Variants in PDE9A observed in about 807,000 individuals in gnomAD.
PDE9A encodes the protein phosphodiesterase 9A.
A neutral mutation model predicts 87.4 loss-of-function variants in PDE9A; 60 were observed. That is an observed-to-expected ratio of 0.69 (90% CI 0.56 to 0.85). The LOEUF is 0.85. PDE9A is among the 40% of genes least tolerant of loss of function. The pLI is 0.00. For synonymous variants in PDE9A, 272 were observed against 279.4 expected (o/e 0.97, Z 0.27); for missense variants, 665 against 779.0 (o/e 0.85, Z 1.74).
chr21:42,738,552 C>T (rs1323259817), intron 7 of PDE9A, among the ~76,000 whole-genome samples: 1 of 152,302 alleles, frequency 6.6e-6, no homozygotes, highest in East Asian at 1.9e-4. Context: ...TCTCTGACCC[C>T]CAGCTCAGCT....
At chr21:42,758,670 C>T (rs934842010) in intron 10 of PDE9A, 3 of 286,682 alleles carry the variant, frequency 1.0e-5, no homozygotes, top group African/African-American at 2.2e-5. Context: ...GTTTTGTGAA[C>T]GGGTGCACTC....
At chr21:42,755,976 C>T (rs992711656) in intron 10 of PDE9A, among the ~76,000 whole-genome samples, 1 of 152,226 alleles carries the variant, frequency 6.6e-6, no homozygotes, top group East Asian at 1.9e-4. Context: ...TGGGGCTTGC[C>T]CCACGAAGCT....
chr21:42,693,588 C>CT (rs371936659), intron 3 of PDE9A, among the ~76,000 whole-genome samples: 5,451 of 124,356 alleles, frequency 0.044, 345 homozygotes, highest in African/African-American at 0.12. Flanking sequence ...CCGCGTCCTA[C>CT]TTTTTTTTTT....
At chr21:42,706,444 A>T (rs1335758503) in intron 4 of PDE9A, among the ~76,000 whole-genome samples, 1 of 152,194 alleles carries the variant, frequency 6.6e-6, no homozygotes, top group East Asian at 1.9e-4. Context: ...CAGGAGTTTG[A>T]GACCAGACTG....
chr21:42,765,763 G>T, intron 15 of PDE9A: 1 of 446,160 alleles, frequency 2.2e-6, no homozygotes. Flanking sequence ...GGTGAAGGCC[G>T]TGCATCTCGC....
chr21:42,760,264 G>A lies in PDE9A; in HGVS notation c.898-64G>A. The A allele has an allele frequency of 1.1e-6, 1 of 905,882 alleles. No homozygotes were observed. The highest frequency in any genetic ancestry group is 1.3e-5 in the South Asian group (1 of 76,238). The allele number at this position is 905,882 out of a possible 1,614,324, so 56.1% of individuals were successfully genotyped here. A position where few individuals can be genotyped will look rare whatever the true frequency, so the allele number is the denominator to read the frequency against. On this transcript the variant is annotated intron_variant, in intron 11 of 19. Transcript: ENST00000291539. The surrounding 1 kb of genome is among the most constrained non-coding windows in gnomAD (Gnocchi z 5.2). ...CAAACCAGCGCACAGCCTTCTGGGT[G>A]GCTTTGGGAGGAGAGGTGGGCGGGC... is the stretch of plus-strand genomic sequence containing the variant.
In PDE9A at chr21:42,685,467, C is replaced by CTTTTTTTT. The variant is rs765252066; in HGVS notation, c.70-716_70-709dup. 5.6e-3 allele frequency among the ~76,000 whole-genome samples: 649 copies of CTTTTTTTT among 115,866 alleles called. 41 individuals carry two copies. Among genetic ancestry groups the CTTTTTTTT allele is most frequent in the African/African-American group, 0.022 (617 of 27,988 alleles). 76.0% of individuals were successfully genotyped at this position (115,866 alleles called of 152,430 possible). On this transcript the variant is annotated intron_variant, in intron 1 of 19. Transcript: ENST00000291539. ...CAGTCCCCAAATACCGAAAGGCAGT[C>CTTTTTTTT]TTTTTTTTTTTTTTTTGAGACGGAG...
rs1290084982 is a variant in PDE9A at position 42,687,921 on chromosome 21, A to T, written c.145A>T (p.Thr49Ser). ...FCIATGLPRN[T>S]TISLLTTDDA... ...GGGCTTGGGTGTGTTTTCCAGGAACACGACCATCTCCCTGCTGACCACCGA... is the reference window on the plus strand; with the variant it reads ...GGGCTTGGGTGTGTTTTCCAGGAACTCGACCATCTCCCTGCTGACCACCGA... Residue 49 changes from threonine to serine, a missense_variant, in exon 3 of 20, where the codon ACG (threonine) becomes TCG (serine). Coordinates refer to ENST00000291539, the MANE Select transcript of PDE9A (RefSeq NM_002606.3). 3.1e-6 allele frequency: 5 copies of T among 1,612,844 alleles called. No individual in the cohort carries two copies. The highest frequency in any genetic ancestry group is 1.3e-5 in the African/African-American group (1 of 74,840).
At chr21:42,743,350 TG>T (rs1370788094) in intron 7 of PDE9A, among the ~76,000 whole-genome samples, 1 of 152,268 alleles carries the variant, frequency 6.6e-6, no homozygotes, top group Non-Finnish European at 1.5e-5. Flanking sequence ...GAAAACGCTT[TG>T]CCGTTCACTG....
intron 1 of PDE9A, among the ~76,000 whole-genome samples, chr21:42,682,806 C>G (rs2059240220): frequency 6.6e-6 from 1 of 152,210 alleles, no homozygotes; most frequent in Non-Finnish European, 1.5e-5. Flanking sequence ...AGCAAATGAG[C>G]GTCGTTCTCA....
intron 4 of PDE9A, among the ~76,000 whole-genome samples, chr21:42,708,926 C>G (rs564777378): frequency 6.6e-6 from 1 of 152,250 alleles, no homozygotes; most frequent in South Asian, 2.1e-4. Context: ...ACCAGAAATA[C>G]CATTTGACCC....
At chr21:42,668,849 C>T (rs1281647800) in intron 1 of PDE9A, among the ~76,000 whole-genome samples, 1 of 148,800 alleles carries the variant, frequency 6.7e-6, no homozygotes, top group African/African-American at 2.5e-5. Flanking sequence ...GCATGAACAT[C>T]CTCCGTCGGG....
At chr21:42,734,521 G>C (rs1275817626) in intron 7 of PDE9A, 1 of 152,242 alleles carries the variant, frequency 6.6e-6, no homozygotes, top group Non-Finnish European at 1.5e-5. Context: ...ATACCATTAA[G>C]AGTTGCAGCA....
intron 10 of PDE9A, among the ~76,000 whole-genome samples, chr21:42,754,841 G>A (rs957377295): frequency 1.3e-5 from 2 of 152,116 alleles, no homozygotes; most frequent in East Asian, 1.9e-4. Context: ...TGAGGCCTCC[G>A]CAGCCATGTG....
At chr21:42,679,000 G>T (rs2059006705) in intron 1 of PDE9A, among the ~76,000 whole-genome samples, 1 of 152,232 alleles carries the variant, frequency 6.6e-6, no homozygotes, top group African/African-American at 2.4e-5. Context: ...GAACATGCAG[G>T]TGCCTTGGGC....
chr21:42,655,767 G>A (rs1020740877), intron 1 of PDE9A, among the ~76,000 whole-genome samples: 2 of 152,140 alleles, frequency 1.3e-5, no homozygotes, highest in African/African-American at 4.8e-5. Context: ...TTCCATAAAC[G>A]TCCTTTTGTG....
chr21:42,771,760 C>T (rs763110022), intron 18 of PDE9A, among the ~76,000 whole-genome samples: 3 of 152,258 alleles, frequency 2.0e-5, no homozygotes, highest in African/African-American at 4.8e-5. Context: ...TGCCCACACC[C>T]GCCTGGAGCG....
intron 4 of PDE9A, among the ~76,000 whole-genome samples, chr21:42,711,556 C>T (rs1414038292): frequency 1.3e-5 from 2 of 152,150 alleles, no homozygotes; most frequent in Non-Finnish European, 2.9e-5. Flanking sequence ...GCTAGGATTA[C>T]AGGAGTGAGC....
intron 4 of PDE9A, among the ~76,000 whole-genome samples, chr21:42,727,730 A>T (rs1241620871): frequency 2.0e-5 from 3 of 152,108 alleles, no homozygotes; most frequent in Non-Finnish European, 4.4e-5. Context: ...CACCCTGCAA[A>T]CTTGCTAAAC....
Sources: allele counts gnomAD v4.1 joint callset (sites outside exome capture counted in the v4.1 genomes callset), GRCh38; gene constraint gnomAD v4.1.1; non-coding constraint Gnocchi (gnomAD v3.1); transcripts MANE v1.5; gene names NCBI Gene and HGNC (gene_info 2026-07-23, HGNC 2026-07-21).